Variants in ZNF385D observed in about 807,000 individuals in gnomAD.
ZNF385D encodes zinc finger protein 659.
A neutral mutation model predicts 35.8 loss-of-function variants in ZNF385D; 15 were observed. The ratio of observed to expected loss-of-function variants is 0.42; its 90% CI spans 0.28 to 0.64. The LOEUF (loss-of-function observed/expected upper bound fraction) is 0.64. Ranked by LOEUF, ZNF385D falls within the 30% of genes least tolerant of loss-of-function variation. The pLI is 0.23. For missense variants in ZNF385D, 474 were observed against 494.6 expected (o/e 0.96, Z 0.39); for synonymous variants, 212 against 186.8 (o/e 1.13, Z -1.10).
intron 2 of ZNF385D, among the ~76,000 whole-genome samples, chr3:21,620,337 A>C (rs919464687): frequency 2.2e-5 from 3 of 133,616 alleles, no homozygotes; most frequent in Non-Finnish European, 5.1e-5. Flanking sequence ...AAGAGTCCTA[A>C]AAAGAGGAAT....
At chr3:21,699,254 C>T (rs1234598322) in intron 1 of ZNF385D, among the ~76,000 whole-genome samples, 5 of 152,050 alleles carry the variant, frequency 3.3e-5, no homozygotes, top group Non-Finnish European at 5.9e-5. Context: ...AACCAAACAC[C>T]GCATGTTCTC....
At chr3:21,701,871 C>A (rs1026892499) in intron 1 of ZNF385D, among the ~76,000 whole-genome samples, 4 of 152,202 alleles carry the variant, frequency 2.6e-5, no homozygotes, top group African/African-American at 7.2e-5. Context: ...CCAGGTCACA[C>A]TGATGCAAGT....
intron 2 of ZNF385D, among the ~76,000 whole-genome samples, chr3:22,267,830 C>T (rs978388083): frequency 2.0e-5 from 3 of 151,882 alleles, no homozygotes; most frequent in Non-Finnish European, 2.9e-5. Context: ...ACTCAATGTA[C>T]ACTTTTCATA....
At chr3:21,446,109 A>G (rs1417890292) in intron 4 of ZNF385D, among the ~76,000 whole-genome samples, 1 of 152,228 alleles carries the variant, frequency 6.6e-6, no homozygotes, top group African/African-American at 2.4e-5. Flanking sequence ...TTCAGTATGT[A>G]TAGGGTGAGG....
chr3:21,568,489 T>A (rs1175865087), intron 2 of ZNF385D, among the ~76,000 whole-genome samples: 1 of 152,174 alleles, frequency 6.6e-6, no homozygotes, highest in Non-Finnish European at 1.5e-5. Context: ...AACATCTTAT[T>A]TTGTGTATGC....
At chr3:22,260,157 C>A (rs948415690) in intron 2 of ZNF385D, among the ~76,000 whole-genome samples, 1 of 151,824 alleles carries the variant, frequency 6.6e-6, no homozygotes, top group African/African-American at 2.4e-5. Flanking sequence ...TTAAAGGAAA[C>A]TGAAATAATA....
intron 3 of ZNF385D, among the ~76,000 whole-genome samples, chr3:22,023,060 C>T (rs373350167): frequency 5.3e-5 from 8 of 152,158 alleles, no homozygotes; most frequent in Non-Finnish European, 1.0e-4. Context: ...GGCTGCTCTT[C>T]GCAAGTGTTT....
intron 3 of ZNF385D, 111 bp downstream of exon 3, chr3:21,564,463 T>C (rs893705053): frequency 5.4e-6 from 3 of 560,390 alleles, no homozygotes; most frequent in Admixed American, 7.7e-5. Flanking sequence ...TCTTTGAATT[T>C]TGACATGCTC....
chr3:21,946,805 C>G (rs13080541), intron 3 of ZNF385D, among the ~76,000 whole-genome samples: 1 of 152,178 alleles, frequency 6.6e-6, no homozygotes, highest in Non-Finnish European at 1.5e-5. Context: ...GCACTCCAGC[C>G]TGGGTGATAG....
intron 4 of ZNF385D, among the ~76,000 whole-genome samples, chr3:21,478,656 C>T (rs903877768): frequency 2.6e-5 from 4 of 152,094 alleles, no homozygotes; most frequent in African/African-American, 7.2e-5. Flanking sequence ...CGTAACTTAG[C>T]CTAAGCTGTC....
chr3:21,622,741 T>A (rs1039929743), intron 2 of ZNF385D, among the ~76,000 whole-genome samples: 1 of 152,086 alleles, frequency 6.6e-6, no homozygotes, highest in African/African-American at 2.4e-5. Context: ...TCTAAAATAA[T>A]GTGGTTTGCT....
At chr3:21,746,302 G>A (rs529035138) in intron 1 of ZNF385D, among the ~76,000 whole-genome samples, 2 of 152,232 alleles carry the variant, frequency 1.3e-5, no homozygotes, top group African/African-American at 4.8e-5. Context: ...AACAACTGTG[G>A]AGGTCCTTTT....
intron 4 of ZNF385D, among the ~76,000 whole-genome samples, chr3:21,482,380 C>T (rs1704690313): frequency 6.6e-6 from 1 of 152,154 alleles, no homozygotes. Flanking sequence ...ACTACAATGG[C>T]AGAATCAGTA....
At chr3:22,268,400 G>A (rs1322946312) in intron 2 of ZNF385D, among the ~76,000 whole-genome samples, 2 of 151,884 alleles carry the variant, frequency 1.3e-5, no homozygotes, top group Non-Finnish European at 2.9e-5. Context: ...TCATTTTGTT[G>A]ATGTTATACA....
chr3:21,813,746 G>A (rs1043888527), intron 3 of ZNF385D, among the ~76,000 whole-genome samples: 3 of 152,258 alleles, frequency 2.0e-5, no homozygotes, highest in South Asian at 2.1e-4. Flanking sequence ...TGACAGTGAC[G>A]GGGAGAATGG....
intron 2 of ZNF385D, among the ~76,000 whole-genome samples, chr3:22,312,601 C>G (rs1174924326): frequency 6.6e-6 from 1 of 152,052 alleles, no homozygotes; most frequent in African/African-American, 2.4e-5. Flanking sequence ...AGGATATGAA[C>G]AGACACTTCT....
At chr3:22,216,057 A>G (rs1252426408) in intron 2 of ZNF385D, among the ~76,000 whole-genome samples, 2 of 151,972 alleles carry the variant, frequency 1.3e-5, no homozygotes, top group Non-Finnish European at 2.9e-5. Context: ...CCCAGGCAAA[A>G]TATATCCCTA....
At chr3:22,156,399 C>A (rs888768624) in intron 3 of ZNF385D, among the ~76,000 whole-genome samples, 3 of 152,024 alleles carry the variant, frequency 2.0e-5, no homozygotes, top group Non-Finnish European at 2.9e-5. Flanking sequence ...CCTGCCCCTG[C>A]ACAGATGGAT....
rs1224948323 is a variant in ZNF385D, at chr3:22,134,738, G to T, written c.325+34079C>A. 2.0e-5 allele frequency among the ~76,000 whole-genome samples: 3 copies of T among 152,132 alleles called. No homozygotes were observed. The East Asian group carries it at 5.8e-4, about 29-fold the overall frequency. On this transcript the variant is annotated intron_variant, in intron 3 of 5. Transcript: ENST00000494108. ...GAGGCTGAGAAGTCCAAGATTGAGG[G>T]TCCATAGCTGGCAAGGGCCTCCCTG...
Sources: allele counts gnomAD v4.1 joint callset (sites outside exome capture counted in the v4.1 genomes callset), GRCh38; gene constraint gnomAD v4.1.1; transcripts MANE v1.5; gene names NCBI Gene and HGNC (gene_info 2026-07-23, HGNC 2026-07-21).